Variants in RGS7 observed in about 807,000 individuals in gnomAD.
RGS7 encodes the protein regulator of G-protein signaling 7.
RGS7 carries 27 observed loss-of-function variants against 81.1 expected under a neutral mutation model. The ratio of observed to expected loss-of-function variants is 0.33; its 90% CI spans 0.25 to 0.46. The LOEUF is 0.46. RGS7 is among the 20% of genes least tolerant of loss of function. The pLI is 1.00. For missense variants in RGS7, 396 were observed against 607.4 expected, an observed-to-expected ratio of 0.65 and a Z score of 3.66; for synonymous variants, 208 against 207.7, an observed-to-expected ratio of 1.00 and a Z score of -0.01.
chr1:241,027,076 G>A (rs2059827066), intron 3 of RGS7, among the ~76,000 whole-genome samples: 1 of 151,434 alleles, frequency 6.6e-6, no homozygotes. Context: ...GGTGGTACGT[G>A]CCTGTAGTTC....
intron 3 of RGS7, among the ~76,000 whole-genome samples, chr1:241,060,641 G>A (rs976473233): frequency 1.3e-5 from 2 of 152,082 alleles, no homozygotes; most frequent in East Asian, 1.9e-4. Flanking sequence ...TCTATGAGAC[G>A]TATCATTGCT....
intron 2 of RGS7, among the ~76,000 whole-genome samples, chr1:241,156,580 A>AGGAGGGGAGGGGAGACGAGG (rs2069169831): frequency 1.6e-5 from 1 of 61,638 alleles, no homozygotes; most frequent in Non-Finnish European, 3.1e-5. Flanking sequence ...GAAAGGGGAG[A>AGGAGGGGAGGGGAGACGAGG]GGAGGGGAGG....
At chr1:240,896,148 AGTTT>A (rs1669059205) in intron 6 of RGS7, among the ~76,000 whole-genome samples, 1 of 151,976 alleles carries the variant, frequency 6.6e-6, no homozygotes, top group Non-Finnish European at 1.5e-5. Flanking sequence ...TTTTCTTGTA[AGTTT>A]GTTTAAGTTC....
At chr1:241,055,988 T>G (rs2061459566) in intron 3 of RGS7, among the ~76,000 whole-genome samples, 1 of 152,200 alleles carries the variant, frequency 6.6e-6, no homozygotes, top group African/African-American at 2.4e-5. Flanking sequence ...ATGTGTGTAT[T>G]TGTTTGCAAC....
Position 240,829,845 on chromosome 1 carries a change from G to A in RGS7, c.610-2673C>T, listed in dbSNP as rs60533817. ...TTTAAAGAGCCAAGTATGATAAGATGTGTCATAGAGATTTTCTTCCATATG... is the reference window on the plus strand; with the variant it reads ...TTTAAAGAGCCAAGTATGATAAGATATGTCATAGAGATTTTCTTCCATATG... On this transcript the variant is annotated intron_variant, in intron 9 of 18. Coordinates refer to ENST00000440928, the MANE Select transcript of RGS7 (RefSeq NM_001364886.1). Among the ~76,000 whole-genome samples, 1,014 of 152,124 alleles carry A rather than the reference G, an allele frequency of 6.7e-3. 8 individuals carry two copies. The highest frequency in any genetic ancestry group is 0.022 in the African/African-American group (897 of 41,510).
chr1:241,098,307 T>C (rs2064445535), intron 3 of RGS7, among the ~76,000 whole-genome samples: 2 of 152,198 alleles, frequency 1.3e-5, no homozygotes, highest in Admixed American at 6.5e-5. Context: ...CAGAAACCCT[T>C]TCCTTACTCC....
chr1:241,073,692 G>C (rs1572560200), intron 3 of RGS7, among the ~76,000 whole-genome samples: 1 of 152,074 alleles, frequency 6.6e-6, no homozygotes, highest in East Asian at 1.9e-4. Context: ...CCAGGGTCTG[G>C]GAGTAAGAAA....
chr1:240,969,446 T>G (rs1038097217), intron 4 of RGS7, among the ~76,000 whole-genome samples: 2 of 152,226 alleles, frequency 1.3e-5, no homozygotes, highest in African/African-American at 4.8e-5. Flanking sequence ...CAAGCTCTGC[T>G]GTAATAGGAG....
intron 2 of RGS7, among the ~76,000 whole-genome samples, chr1:241,133,260 A>G (rs2067252962): frequency 6.6e-6 from 1 of 152,140 alleles, no homozygotes; most frequent in Non-Finnish European, 1.5e-5. Context: ...AACAGCAATA[A>G]ATGAAATCGA....
At chr1:241,275,119 G>T (rs1266416427) in intron 2 of RGS7, among the ~76,000 whole-genome samples, 1 of 152,180 alleles carries the variant, frequency 6.6e-6, no homozygotes, top group Non-Finnish European at 1.5e-5. Context: ...AAGCAATTTT[G>T]GAGACATCCC....
Position 240,960,217 on chromosome 1 carries a change from C to CTTCTTTT in RGS7, c.226+22861_226+22862insAAAAGAA, listed in dbSNP as rs60911948. On this transcript the variant is annotated intron_variant, in intron 4 of 18. Coordinates refer to ENST00000440928, the MANE Select transcript of RGS7 (RefSeq NM_001364886.1). The stretch of plus-strand genomic sequence containing the variant: ...TTTTCTTCTTCTTCCTCTTCTTCTT[C>CTTCTTTT]TTTTTTTTTTTTTTTTTGTTGTTGT... Among the ~76,000 whole-genome samples, 30 of 8,954 alleles carry CTTCTTTT rather than the reference C, an allele frequency of 3.4e-3. 1 individual carries two copies. Among genetic ancestry groups the CTTCTTTT allele is most frequent in the Admixed American group, 7.2e-3 (3 of 418 alleles). 5.9% of individuals were successfully genotyped at this position (8,954 alleles called of 152,430 possible).
intron 9 of RGS7, among the ~76,000 whole-genome samples, chr1:240,838,418 C>T (rs1695053128): frequency 6.6e-6 from 1 of 152,126 alleles, no homozygotes; most frequent in African/African-American, 2.4e-5. Flanking sequence ...AGACCAGAGC[C>T]CTCCCTTTAC....
chr1:241,013,639 C>T (rs1432866944), intron 3 of RGS7, among the ~76,000 whole-genome samples: 2 of 152,178 alleles, frequency 1.3e-5, no homozygotes, highest in Non-Finnish European at 1.5e-5. Context: ...CATTTCATAG[C>T]TCAGAAAGCT....
chr1:240,846,171 A>G (rs1306981970), intron 9 of RGS7, among the ~76,000 whole-genome samples: 2 of 152,178 alleles, frequency 1.3e-5, no homozygotes, highest in Non-Finnish European at 2.9e-5. Flanking sequence ...CTGTCTTCTT[A>G]TGGGGAACAG....
At chr1:240,787,765 G>A (rs1246495608) in intron 18 of RGS7, among the ~76,000 whole-genome samples, 1 of 152,096 alleles carries the variant, frequency 6.6e-6, no homozygotes, top group East Asian at 1.9e-4. Context: ...ATACACTAAA[G>A]TGAATAAGTA....
chr1:241,089,958 C>G (rs111769843), intron 3 of RGS7, among the ~76,000 whole-genome samples: 1 of 143,542 alleles, frequency 7.0e-6, no homozygotes, highest in South Asian at 2.2e-4. Flanking sequence ...CGCGCCACTG[C>G]ACTCCAGCCT....
intron 4 of RGS7, among the ~76,000 whole-genome samples, chr1:240,941,501 A>C (rs1320738811): frequency 1.3e-5 from 2 of 152,324 alleles, no homozygotes; most frequent in African/African-American, 4.8e-5. Flanking sequence ...TCAATGAACA[A>C]GGACATTTAT....
intron 3 of RGS7, among the ~76,000 whole-genome samples, chr1:241,090,851 C>T (rs2063826573): frequency 6.6e-6 from 1 of 152,162 alleles, no homozygotes; most frequent in African/African-American, 2.4e-5. Context: ...CTCCACAGGA[C>T]TACATCTGGA....
chr1:241,087,976 CTA>C (rs1191726960), intron 3 of RGS7, among the ~76,000 whole-genome samples: 3,156 of 94,672 alleles, frequency 0.033, 53 homozygotes, highest in Middle Eastern at 0.045. Context: ...CTCTCTCTCT[CTA>C]TATATATATA....
Sources: gnomAD v4.1 joint callset for allele counts (sites outside exome capture counted in the v4.1 genomes callset) on GRCh38, gnomAD v4.1.1 for gene constraint, MANE v1.5 for transcripts, NCBI Gene and HGNC (gene_info 2026-07-23, HGNC 2026-07-21) for gene names.